FBN2: variants seen among roughly 807,000 people sequenced by gnomAD.
The protein encoded by FBN2 is fibrillin-2.
A neutral mutation model predicts 355.6 loss-of-function variants in FBN2; 105 were observed. The ratio of observed to expected loss-of-function variants is 0.30; its 90% CI spans 0.25 to 0.35. The LOEUF is 0.35. FBN2 is among the 10% of genes least tolerant of loss of function. FBN2 has a pLI of 1.00. For missense variants in FBN2, 3,280 were observed against 3,758.7 expected (o/e 0.87, Z 3.33); for synonymous variants, 1,350 against 1,301.2 (o/e 1.04, Z -0.81).
chr5:128,293,655 G>A (rs890745378), intron 48 of FBN2, among the ~76,000 whole-genome samples: 1 of 152,026 alleles, frequency 6.6e-6, no homozygotes, highest in Non-Finnish European at 1.5e-5. Context: ...AAGAGGAAAG[G>A]TAGCCAAGAC....
chr5:128,259,743 G>A lies in FBN2; in HGVS notation c.8451C>T (p.His2817=), dbSNP rs2126791952. The change falls in exon 65 of 65, where the codon CAC becomes CAT. Residue 2817 remains histidine, a synonymous_variant. Transcript: ENST00000262464. ...GGATGGCGGGCCTTAGTTCCAGGAT[G>A]TGCTCCTTAGAGCCGAGGTGGGAGA... ...FNLSHLGSKE[H]ILELRPAIQP... is the part of the protein sequence containing the mutation. The A allele has an allele frequency of 1.2e-5, 20 of 1,613,890 alleles. No individual in the cohort carries two copies. The highest frequency in any genetic ancestry group is 1.6e-5 in the Non-Finnish European group (19 of 1,179,954).
chr5:128,318,261 C>A lies in FBN2; in HGVS notation c.4605G>T (p.Glu1535Asp), dbSNP rs771907382. ...TGACACAGTTTATAGGATCTGCACA[C>A]TCATCAATATCTAGGAGAAGCATTT... ...RTGGNCTDID[E>D]CADPINCVNG... Residue 1535 changes from glutamate to aspartate, a missense_variant, in exon 36 of 65, where the codon GAG becomes GAT. Coordinates refer to ENST00000262464, the MANE Select transcript of FBN2 (RefSeq NM_001999.4). The A allele has an allele frequency of 6.2e-7, 1 of 1,614,082 alleles. No homozygotes were observed. The highest frequency in any genetic ancestry group is 8.5e-7 in the Non-Finnish European group (1 of 1,179,944).
At chr5:128,502,048 A>G (rs897685300) in intron 5 of FBN2, among the ~76,000 whole-genome samples, 9 of 152,092 alleles carry the variant, frequency 5.9e-5, no homozygotes, top group Non-Finnish European at 1.2e-4. Flanking sequence ...TAAAGTAAAA[A>G]CCCTTTGGGT....
At chr5:128,431,180 T>C (rs1022542676) in intron 7 of FBN2, among the ~76,000 whole-genome samples, 3 of 152,240 alleles carry the variant, frequency 2.0e-5, no homozygotes, top group African/African-American at 7.2e-5. Flanking sequence ...AGAAAAACAG[T>C]AGAGCCAAAT....
At position 128,388,628 on chromosome 5, in the gene FBN2, G is replaced by A. The variant is rs375335064; in HGVS notation, c.1603+3390C>T. On this transcript the variant is annotated intron_variant, in intron 11 of 64. Coordinates refer to ENST00000262464, the MANE Select transcript of FBN2 (RefSeq NM_001999.4). ...TGGCTGAATATAAAATTCTTGGTTG[G>A]GATTTCTTTTCTTTAAGAATGCTGA... 9.3e-4 allele frequency among the ~76,000 whole-genome samples: 141 copies of A among 152,120 alleles called. No homozygotes were observed. In the South Asian group the frequency reaches 0.014, roughly 15 times the overall value.
intron 45 of FBN2, among the ~76,000 whole-genome samples, chr5:128,303,981 T>C (rs933721890): frequency 1.3e-5 from 2 of 152,176 alleles, no homozygotes; most frequent in Non-Finnish European, 2.9e-5. Flanking sequence ...CCTGCCATTA[T>C]AGGAGAAGTC....
At chr5:128,359,190 T>G (rs1274575358) in intron 19 of FBN2, among the ~76,000 whole-genome samples, 1 of 152,076 alleles carries the variant, frequency 6.6e-6, no homozygotes, top group African/African-American at 2.4e-5. Context: ...TCTTTATTAT[T>G]AGTGCTATTT....
intron 7 of FBN2, 45 bp from the exon 8 acceptor site, chr5:128,408,844 T>C (rs1000202492): frequency 4.3e-6 from 7 of 1,611,042 alleles, no homozygotes; most frequent in Non-Finnish European, 5.1e-6. Context: ...AGGCCTTCAT[T>C]AAATAGCTTT....
chr5:128,262,577 A>G (rs1430949177), intron 63 of FBN2, among the ~76,000 whole-genome samples: 2 of 152,216 alleles, frequency 1.3e-5, no homozygotes, highest in Non-Finnish European at 2.9e-5. Flanking sequence ...GCTGCTTGCA[A>G]CAAAGCTCCC....
intron 5 of FBN2, among the ~76,000 whole-genome samples, chr5:128,471,602 G>T (rs955251390): frequency 6.6e-6 from 1 of 151,960 alleles, no homozygotes; most frequent in Admixed American, 6.6e-5. Context: ...TACCTGTAAT[G>T]CCTGAAAACA....
intron 33 of FBN2, 131 bp from the exon 34 acceptor site, chr5:128,328,952 A>AT: frequency 1.1e-6 from 1 of 914,422 alleles, no homozygotes; most frequent in East Asian, 2.6e-5. Flanking sequence ...AGTTAATCAC[A>AT]TTCACTTAAA....
intron 34 of FBN2, among the ~76,000 whole-genome samples, chr5:128,324,352 T>G (rs1392016143): frequency 3.9e-5 from 6 of 152,214 alleles, no homozygotes; most frequent in African/African-American, 1.4e-4. Context: ...TGTTCTTGCT[T>G]CTCGAGTTCT....
intron 15 of FBN2, among the ~76,000 whole-genome samples, chr5:128,374,344 G>C (rs918938702): frequency 6.6e-6 from 1 of 151,920 alleles, no homozygotes; most frequent in East Asian, 1.9e-4. Flanking sequence ...ATATCTTTTA[G>C]CTCCCACCCC....
chr5:128,372,264 A>C (rs925100227), intron 15 of FBN2, among the ~76,000 whole-genome samples: 3 of 152,256 alleles, frequency 2.0e-5, no homozygotes, highest in Non-Finnish European at 4.4e-5. Flanking sequence ...AAACTTAAAA[A>C]TAAATTTTGA....
chr5:128,394,698 C>T (rs564250792), intron 9 of FBN2, among the ~76,000 whole-genome samples: 43 of 152,300 alleles, frequency 2.8e-4, no homozygotes, highest in African/African-American at 9.6e-4. Flanking sequence ...AATAACAATG[C>T]TATCACACTC....
chr5:128,383,402 C>T (rs1752286619), intron 11 of FBN2, among the ~76,000 whole-genome samples: 1 of 152,052 alleles, frequency 6.6e-6, no homozygotes, highest in African/African-American at 2.4e-5. Flanking sequence ...TGTGACCTTA[C>T]ATTTGGCAAA....
At chr5:128,301,580 T>C in intron 46 of FBN2, 70 bp from the exon 47 acceptor site, 1 of 1,448,874 alleles carries the variant, frequency 6.9e-7, no homozygotes, top group Non-Finnish European at 9.6e-7. Flanking sequence ...AAGACGCTAC[T>C]TAAAAACATA....
intron 48 of FBN2, among the ~76,000 whole-genome samples, chr5:128,293,612 C>A (rs72785111): frequency 0.015 from 2,271 of 152,108 alleles, 18 homozygotes; most frequent in Non-Finnish European, 0.024. Flanking sequence ...TATATGATAT[C>A]TTAATGAAAT....
intron 6 of FBN2, among the ~76,000 whole-genome samples, chr5:128,454,780 T>C (rs1201134785): frequency 6.6e-6 from 1 of 152,214 alleles, no homozygotes; most frequent in African/African-American, 2.4e-5. Flanking sequence ...ATTCATGACC[T>C]TATCCTGTGT....
Sources: gnomAD v4.1 joint callset for allele counts (sites outside exome capture counted in the v4.1 genomes callset) on GRCh38, gnomAD v4.1.1 for gene constraint, MANE v1.5 for transcripts, NCBI Gene and HGNC (gene_info 2026-07-23, HGNC 2026-07-21) for gene names.